USP45: variants seen among roughly 807,000 people sequenced by gnomAD.
USP45 encodes the protein ubiquitin carboxyl-terminal hydrolase 45.
Under a neutral mutation model 95.8 loss-of-function variants are expected in USP45, and 89 were observed. The observed-to-expected ratio is 0.93, with a 90% CI of 0.78 to 1.11. The LOEUF is 1.11. Ranked by LOEUF, USP45 falls within the 50% of genes least tolerant of loss-of-function variation. The probability of loss-of-function intolerance (pLI) is 0.00; values close to 1 mark genes in which losing one functional copy is unlikely to be tolerated. For synonymous variants in USP45, 281 were observed against 316.2 expected (o/e 0.89, Z 1.18); for missense variants, 898 against 942.5 (o/e 0.95, Z 0.62).
Position 99,435,658 on chromosome 6 carries a change from A to G in USP45, c.*58T>C. ...AGACTAGAAAGGCACATTATATATT[A>G]TAGTTATCACTGTGGCATTCAAAAA... is the stretch of plus-strand genomic sequence containing the variant. On this transcript the variant is annotated 3_prime_UTR_variant, in exon 18 of 18. Coordinates refer to ENST00000500704, the MANE Select transcript of USP45 (RefSeq NM_001346022.3). 1 of 1,478,718 alleles carries G rather than the reference A, an allele frequency of 6.8e-7. No homozygotes were observed. 91.6% of individuals were successfully genotyped at this position (1,478,718 alleles called of 1,614,324 possible).
intron 9 of USP45, among the ~76,000 whole-genome samples, chr6:99,472,898 T>C (rs1233110372): frequency 1.3e-5 from 2 of 152,200 alleles, no homozygotes; most frequent in Admixed American, 1.3e-4. Context: ...AGATCATTAG[T>C]TTGGGAGTCA....
intron 16 of USP45, among the ~76,000 whole-genome samples, chr6:99,438,623 G>C (rs1780955464): frequency 6.6e-6 from 1 of 152,136 alleles, no homozygotes. Flanking sequence ...ACATTTATGA[G>C]ACAATTGAAA....
rs558559039 is a variant in USP45, at chr6:99,455,166, G to A, written c.1309-8703C>T. Among the ~76,000 whole-genome samples, 161 of 152,176 alleles carry A rather than the reference G, an allele frequency of 1.1e-3. 1 individual carries two copies. The highest frequency in any genetic ancestry group is 3.7e-3 in the African/African-American group (153 of 41,558). On this transcript the variant is annotated intron_variant, in intron 13 of 17. Coordinates refer to ENST00000500704, the MANE Select transcript of USP45 (RefSeq NM_001346022.3). ...TCTCAAAAAACTAAAATAGGGCTGG[G>A]TGCGATGGCTCACACCTGTAATCCC...
At chr6:99,448,763 G>C (rs1291096200) in intron 13 of USP45, among the ~76,000 whole-genome samples, 1 of 152,150 alleles carries the variant, frequency 6.6e-6, no homozygotes, top group Non-Finnish European at 1.5e-5. Context: ...AAAATGTTAA[G>C]GGCAGCCAGA....
chr6:99,478,581 A>T (rs1338971052), intron 8 of USP45, among the ~76,000 whole-genome samples: 1 of 152,190 alleles, frequency 6.6e-6, no homozygotes, highest in Admixed American at 6.5e-5. Flanking sequence ...TGCTATTCAC[A>T]ATAGCAAAGA....
Position 99,446,228 on chromosome 6 carries a change from T to C in USP45, c.1544A>G (p.Lys515Arg), listed in dbSNP as rs1189815304. The C allele has an allele frequency of 1.2e-6, 2 of 1,614,218 alleles. No homozygotes were observed. Among genetic ancestry groups the C allele is most frequent in the Non-Finnish European group, 1.7e-6 (2 of 1,180,032 alleles). Reference sequence around the variant, plus strand: ...ACTGGATCTGAACAGCCCAGTCTGCTTTGAAGCACTTTCAGATTCTGAAGG... The same window carrying C: ...ACTGGATCTGAACAGCCCAGTCTGCCTTGAAGCACTTTCAGATTCTGAAGG... Reference protein sequence around the residue: ...SEPSESESASKQTGLFRSSSG... With the variant: ...SEPSESESASRQTGLFRSSSG... Residue 515 changes from lysine (K) to arginine (R), a missense_variant, in exon 14 of 18, where the codon AAG (lysine) becomes AGG (arginine). Physicochemically the swap from Lys to Arg is conservative, Grantham distance 26. Coordinates refer to ENST00000500704, the MANE Select transcript of USP45 (RefSeq NM_001346022.3).
chr6:99,517,317 CA>C (rs1801175145), upstream of USP45, among the ~76,000 whole-genome samples: 1 of 152,096 alleles, frequency 6.6e-6, no homozygotes, highest in Admixed American at 6.6e-5. Flanking sequence ...ATGTATTTTC[CA>C]AATAATGCTA....
chr6:99,447,753 TG>T (rs1346696733), intron 13 of USP45, among the ~76,000 whole-genome samples: 1 of 152,182 alleles, frequency 6.6e-6, no homozygotes, highest in African/African-American at 2.4e-5. Context: ...CCTCCTCAAG[TG>T]GGTCCCTGAC....
At position 99,500,649 on chromosome 6, in the gene USP45, G is replaced by A. The variant is rs544313954; in HGVS notation, c.478+3116C>T. On this transcript the variant is annotated intron_variant, in intron 5 of 17. Transcript: ENST00000500704. ...TGCCTATCTTCTTATTATGGCCAAT[G>A]AAACTTAATGCTCATTTTTCAGCAG... Among the ~76,000 whole-genome samples, 4 of 152,238 alleles carry A rather than the reference G, an allele frequency of 2.6e-5. No homozygotes were observed. The East Asian group carries it at 7.7e-4, about 29-fold the overall frequency.
chr6:99,488,748 C>T lies in USP45; in HGVS notation c.551G>A (p.Cys184Tyr). The change falls in exon 6 of 18, where the codon TGC becomes TAC. Residue 184 changes from cysteine to tyrosine, a missense_variant. Transcript: ENST00000500704. The stretch of plus-strand genomic sequence containing the variant: ...AATTCCTCTTACAGATAAATTTCTG[C>T]ATTTTCCTCCCTTCTGTATTTCATC... ...ETDEIQKGGK[C>Y]RNLSVRGITN... 3.1e-6 allele frequency: 5 copies of T among 1,607,802 alleles called. No homozygotes were observed. The highest frequency in any genetic ancestry group is 4.2e-6 in the Non-Finnish European group (5 of 1,177,684).
At position 99,463,884 on chromosome 6, in the gene USP45, C is replaced by A. The variant is rs1787199939; in HGVS notation, c.1308+720G>T. On this transcript the variant is annotated intron_variant, in intron 13 of 17. Coordinates refer to ENST00000500704, the MANE Select transcript of USP45 (RefSeq NM_001346022.3). ...ATCCTAAAATCCAAACTTTAGAAAG[C>A]AAAATAAAAAACTAAGTACTTATGA... is the stretch of plus-strand genomic sequence containing the variant. 3.4e-5 allele frequency among the ~76,000 whole-genome samples: 5 copies of A among 148,538 alleles called. No homozygotes were observed. The Admixed American group carries it at 3.4e-4, about 10-fold the overall frequency.
intron 9 of USP45, among the ~76,000 whole-genome samples, chr6:99,472,081 A>G (rs1157354245): frequency 6.6e-6 from 1 of 152,228 alleles, no homozygotes; most frequent in Non-Finnish European, 1.5e-5. Context: ...TTTAATTATA[A>G]CAAAGACTGC....
intron 17 of USP45, 47 bp from the exon 18 acceptor site, chr6:99,435,893 G>T: frequency 6.5e-7 from 1 of 1,540,864 alleles, no homozygotes; most frequent in Non-Finnish European, 8.8e-7. Context: ...TATGCTTTAG[G>T]TTCTTACTCT....
Position 99,445,992 on chromosome 6 carries a change from G to T in USP45, c.1780C>A (p.His594Asn). Residue 594 changes from histidine (H) to asparagine (N), a missense_variant, in exon 14 of 18, where the codon CAT (histidine) becomes AAT (asparagine). Coordinates refer to ENST00000500704, the MANE Select transcript of USP45 (RefSeq NM_001346022.3). ...SNNLCFLEGKHLRSYSPQNAF... is the reference protein window; with the variant it reads ...SNNLCFLEGKNLRSYSPQNAF... ...TTTTGGGGACTATAAGACCTCAAAT[G>T]CTTCCCCTCTAAAAAACATAAATTA... The T allele has an allele frequency of 6.2e-7, 1 of 1,613,972 alleles. No homozygotes were observed. The highest frequency in any genetic ancestry group is 8.5e-7 in the Non-Finnish European group (1 of 1,179,984).
At chr6:99,508,051 G>T (rs1798932305) in intron 3 of USP45, among the ~76,000 whole-genome samples, 1 of 152,022 alleles carries the variant, frequency 6.6e-6, no homozygotes, top group Admixed American at 6.5e-5. Context: ...GGTTGAGGAT[G>T]GCACAGCAGA....
intron 7 of USP45, among the ~76,000 whole-genome samples, chr6:99,483,263 A>T (rs1792877152): frequency 6.6e-6 from 1 of 152,126 alleles, no homozygotes; most frequent in African/African-American, 2.4e-5. Flanking sequence ...TTTGTGTATA[A>T]TGTAGGATTA....
At chr6:99,438,500 A>G (rs563933437) in intron 16 of USP45, among the ~76,000 whole-genome samples, 1 of 152,326 alleles carries the variant, frequency 6.6e-6, no homozygotes, top group South Asian at 2.1e-4. Context: ...TATGTTATGT[A>G]ATTATTAAAC....
At position 99,488,736 on chromosome 6, in the gene USP45, G is replaced by A; in HGVS notation, c.563C>T (p.Ser188Phe). The A allele has an allele frequency of 6.2e-7, 1 of 1,607,174 alleles. No homozygotes were observed. Among genetic ancestry groups the A allele is most frequent in the Non-Finnish European group, 8.5e-7 (1 of 1,177,254 alleles). Reference sequence around the variant, plus strand: ...TCCTAAATTTGTAATTCCTCTTACAGATAAATTTCTGCATTTTCCTCCCTT... The same window carrying A: ...TCCTAAATTTGTAATTCCTCTTACAAATAAATTTCTGCATTTTCCTCCCTT... ...IQKGGKCRNLSVRGITNLGNT... is the reference protein window; with the variant it reads ...IQKGGKCRNLFVRGITNLGNT... The change falls in exon 6 of 18, where the codon TCT (serine) becomes TTT (phenylalanine). Residue 188 changes from serine to phenylalanine, a missense_variant. Coordinates refer to ENST00000500704, the MANE Select transcript of USP45 (RefSeq NM_001346022.3).
Position 99,468,094 on chromosome 6 carries a change from A to G in USP45, c.1015+443T>C, listed in dbSNP as rs145925235. 1,234 of 454,372 alleles carry G rather than the reference A, an allele frequency of 2.7e-3. 4 individuals carry two copies. The highest frequency in any genetic ancestry group is 4.2e-3 in the Non-Finnish European group (940 of 225,964). The allele number at this position is 454,372 out of a possible 1,614,324, so 28.1% of individuals were successfully genotyped here. ...AGTAGGCAAAGTGCACTTACACTTGACTTACCAGCACTCTCTTCAATAAAC... is the reference window on the plus strand; with the variant it reads ...AGTAGGCAAAGTGCACTTACACTTGGCTTACCAGCACTCTCTTCAATAAAC... On this transcript the variant is annotated intron_variant, in intron 10 of 17. Coordinates refer to ENST00000500704, the MANE Select transcript of USP45 (RefSeq NM_001346022.3).
Sources: gnomAD v4.1 joint callset for allele counts (sites outside exome capture counted in the v4.1 genomes callset) on GRCh38, gnomAD v4.1.1 for gene constraint, MANE v1.5 for transcripts, NCBI Gene and HGNC (gene_info 2026-07-23, HGNC 2026-07-21) for gene names.